Variants in C11orf97 observed in about 807,000 individuals in gnomAD.
C11orf97 encodes uncharacterized protein C11orf97.
In C11orf97, 15 loss-of-function variants were observed where a neutral mutation model predicts 16.2. The observed-to-expected ratio is 0.93, with a 90% CI of 0.62 to 1.43. C11orf97 has a LOEUF of 1.43. Among genes scored for constraint, C11orf97 ranks in the 40% most tolerant of loss-of-function variants. C11orf97 has a pLI of 0.00. For missense variants in C11orf97, 171 were observed against 161.2 expected, an observed-to-expected ratio of 1.06 and a Z score of -0.33; for synonymous variants, 61 against 65.7, an observed-to-expected ratio of 0.93 and a Z score of 0.34.
chr11:94,521,967 C>T lies in C11orf97; in HGVS notation c.250+4280C>T, dbSNP rs539785546. On this transcript the variant is annotated intron_variant, in intron 2 of 3. Coordinates refer to ENST00000542198, the MANE Select transcript of C11orf97 (RefSeq NM_001190462.2). ...TTCAACCTTGTTCCTTTCTCAAATTCCATGATACTTAACTGTCCTGGTTCT... is the reference window on the plus strand; with the variant it reads ...TTCAACCTTGTTCCTTTCTCAAATTTCATGATACTTAACTGTCCTGGTTCT... 4.7e-4 allele frequency among the ~76,000 whole-genome samples: 71 copies of T among 152,294 alleles called. 1 individual carries two copies. Among genetic ancestry groups the T allele is most frequent in the African/African-American group, 1.6e-3 (68 of 41,552 alleles).
intron 2 of C11orf97, among the ~76,000 whole-genome samples, chr11:94,527,338 C>T (rs530037565): frequency 2.0e-5 from 3 of 152,314 alleles, no homozygotes; most frequent in Admixed American, 6.5e-5. Flanking sequence ...CTTATGGCAA[C>T]TCACCCAAAT....
intron 2 of C11orf97, among the ~76,000 whole-genome samples, chr11:94,520,050 G>A (rs879711165): frequency 6.6e-6 from 1 of 152,180 alleles, no homozygotes; most frequent in Non-Finnish European, 1.5e-5. Flanking sequence ...TCCTATAGCT[G>A]CTATTTTTAA....
chr11:94,518,474 C>T (rs1189277768), intron 2 of C11orf97, among the ~76,000 whole-genome samples: 1 of 152,080 alleles, frequency 6.6e-6, no homozygotes, highest in Non-Finnish European at 1.5e-5. Flanking sequence ...TGGTCCAGTA[C>T]CCGACTTTGC....
intron 1 of C11orf97, among the ~76,000 whole-genome samples, chr11:94,514,114 A>G (rs888047336): frequency 5.9e-5 from 9 of 152,050 alleles, no homozygotes; most frequent in African/African-American, 1.9e-4. Context: ...CCAGCCTCCT[A>G]CTTCAAATTC....
chr11:94,522,398 G>A (rs374876010), intron 2 of C11orf97, among the ~76,000 whole-genome samples: 10 of 152,106 alleles, frequency 6.6e-5, no homozygotes, highest in African/African-American at 1.4e-4. Flanking sequence ...TTAGCCGGGC[G>A]TGGTGGCGGG....
At chr11:94,514,324 G>C (rs1404231389) in intron 1 of C11orf97, among the ~76,000 whole-genome samples, 1 of 152,160 alleles carries the variant, frequency 6.6e-6, no homozygotes, top group Non-Finnish European at 1.5e-5. Flanking sequence ...TCACAAAGTT[G>C]GGGTGGGAAA....
chr11:94,528,257 T>A (rs1466567370), intron 3 of C11orf97, 48 bp downstream of exon 3: 1 of 1,484,170 alleles, frequency 6.7e-7, no homozygotes, highest in Admixed American at 2.4e-5. Flanking sequence ...TGAGGGGACT[T>A]TACAGTTTAC....
chr11:94,525,461 A>C (rs555482150), intron 2 of C11orf97, among the ~76,000 whole-genome samples: 2 of 152,376 alleles, frequency 1.3e-5, no homozygotes, highest in African/African-American at 4.8e-5. Flanking sequence ...TAGAAAGTGC[A>C]AAATGTTGCC....
intron 3 of C11orf97, among the ~76,000 whole-genome samples, chr11:94,529,615 A>G (rs1423731132): frequency 6.6e-6 from 1 of 152,238 alleles, no homozygotes; most frequent in African/African-American, 2.4e-5. Flanking sequence ...CATGTCTAGC[A>G]GGTAGTGGAG....
intron 1 of C11orf97, among the ~76,000 whole-genome samples, chr11:94,515,069 G>A (rs1265159471): frequency 6.6e-6 from 1 of 152,160 alleles, no homozygotes; most frequent in East Asian, 1.9e-4. Flanking sequence ...GTAGAGTGTG[G>A]TGGATCTATA....
At chr11:94,527,373 G>A (rs1947708282) in intron 2 of C11orf97, among the ~76,000 whole-genome samples, 1 of 152,208 alleles carries the variant, frequency 6.6e-6, no homozygotes, top group South Asian at 2.1e-4. Flanking sequence ...GACTTGAGTT[G>A]CAGTTTTCTA....
At chr11:94,530,741 A>G in intron 3 of C11orf97, among the ~76,000 whole-genome samples, 1 of 152,218 alleles carries the variant, frequency 6.6e-6, no homozygotes, top group East Asian at 1.9e-4. Context: ...CCTCAAAAGT[A>G]TATCGTTTTC....
At chr11:94,515,538 T>G (rs1947605123) in intron 1 of C11orf97, among the ~76,000 whole-genome samples, 1 of 152,060 alleles carries the variant, frequency 6.6e-6, no homozygotes, top group African/African-American at 2.4e-5. Context: ...CTTCCTTCTT[T>G]CTTTTTTAAA....
intron 2 of C11orf97, among the ~76,000 whole-genome samples, chr11:94,519,921 C>G (rs1194319343): frequency 1.3e-5 from 2 of 152,218 alleles, no homozygotes; most frequent in Non-Finnish European, 2.9e-5. Context: ...GCTTCTAATT[C>G]GGTTTGCAGT....
chr11:94,514,447 TG>T (rs1197709460), intron 1 of C11orf97, among the ~76,000 whole-genome samples: 1 of 152,202 alleles, frequency 6.6e-6, no homozygotes, highest in African/African-American at 2.4e-5. Flanking sequence ...TTCAAATGTC[TG>T]TAATTATTGG....
intron 1 of C11orf97, 138 bp downstream of exon 1, chr11:94,512,811 AC>A: frequency 2.1e-6 from 2 of 937,506 alleles, no homozygotes; most frequent in Non-Finnish European, 2.8e-6. Context: ...TTTTGGCAGA[AC>A]CAGAGATGAT....
chr11:94,514,701 G>A (rs1030529746), intron 1 of C11orf97, among the ~76,000 whole-genome samples: 3 of 135,042 alleles, frequency 2.2e-5, no homozygotes, highest in African/African-American at 8.4e-5. Context: ...CTGGAGTACA[G>A]TGGCGCGATC....
rs1256121588 is a variant in C11orf97 at position 94,523,118 on chromosome 11, C to T, written c.251-4966C>T. Reference sequence around the variant, plus strand: ...AAAAATTGTTTCTCTTGTATGATGCCTCCATCAAAAGTAGTAAAAAAGAGA... The same window carrying T: ...AAAAATTGTTTCTCTTGTATGATGCTTCCATCAAAAGTAGTAAAAAAGAGA... On this transcript the variant is annotated intron_variant, in intron 2 of 3. Coordinates refer to ENST00000542198, the MANE Select transcript of C11orf97 (RefSeq NM_001190462.2). 7.2e-5 allele frequency among the ~76,000 whole-genome samples: 11 copies of T among 152,210 alleles called. No homozygotes were observed. The East Asian group carries it at 2.1e-3, about 29-fold the overall frequency.
chr11:94,531,664 T>A (rs372613927), intron 3 of C11orf97, among the ~76,000 whole-genome samples: 1 of 151,870 alleles, frequency 6.6e-6, no homozygotes, highest in Non-Finnish European at 1.5e-5. Flanking sequence ...TGTATTTCCA[T>A]CCAGCTCCCA....
Sources: gnomAD v4.1 joint callset for allele counts (sites outside exome capture counted in the v4.1 genomes callset) on GRCh38, gnomAD v4.1.1 for gene constraint, MANE v1.5 for transcripts, NCBI Gene and HGNC (gene_info 2026-07-23, HGNC 2026-07-21) for gene names.